Variants in TSNAXIP1 observed in about 807,000 individuals in gnomAD.
TSNAXIP1 encodes translin associated factor X interacting protein 1.
A neutral mutation model predicts 84.8 loss-of-function variants in TSNAXIP1; 89 were observed. That is an observed-to-expected ratio of 1.05 (90% CI 0.88 to 1.25). TSNAXIP1 has a LOEUF of 1.25. TSNAXIP1 is among the 50% of genes most tolerant of loss of function. TSNAXIP1 has a pLI of 0.00. For synonymous variants in TSNAXIP1, 347 were observed against 335.2 expected, an observed-to-expected ratio of 1.04 and a Z score of -0.39; for missense variants, 874 against 887.6, an observed-to-expected ratio of 0.98 and a Z score of 0.20.
rs748805985 is a variant in TSNAXIP1 at position 67,827,380 on chromosome 16, G to C, written c.1791+5G>C. 3 of 1,614,204 alleles carry C rather than the reference G, an allele frequency of 1.9e-6. No individual in the cohort carries two copies. Among genetic ancestry groups the C allele is most frequent in the Middle Eastern group, 1.6e-4 (1 of 6,062 alleles). On this transcript the variant is annotated splice_donor_5th_base_variant and intron_variant, in intron 14 of 15. Transcript: ENST00000561639. ...TACCGCTCACTGTTTATGGAGGTGGGTGTGTGGGGTCCGGGGACTGGCCTG... is the reference window on the plus strand; with the variant it reads ...TACCGCTCACTGTTTATGGAGGTGGCTGTGTGGGGTCCGGGGACTGGCCTG...
intron 4 of TSNAXIP1, among the ~76,000 whole-genome samples, chr16:67,821,538 C>T (rs1189556927): frequency 6.6e-6 from 1 of 151,860 alleles, no homozygotes; most frequent in Non-Finnish European, 1.5e-5. Flanking sequence ...GATCACACCA[C>T]TGCACTCCAA....
chr16:67,824,499 GCCACTCA>G (rs1264080514), intron 5 of TSNAXIP1, 77 bp from the exon 6 acceptor site: 1 of 1,342,622 alleles, frequency 7.4e-7, no homozygotes, highest in Admixed American at 2.1e-5. Context: ...AAGCGACATA[GCCACTCA>G]CCCATGACCT....
chr16:67,808,567 A>C (rs113066419), intron 1 of TSNAXIP1, among the ~76,000 whole-genome samples: 45,598 of 148,628 alleles, frequency 0.31, 10,190 homozygotes, highest in African/African-American at 0.64. Flanking sequence ...GAGCGAGACT[A>C]CGTCTCAAAA....
Position 67,827,393 on chromosome 16 carries a change from G to C in TSNAXIP1, c.1791+18G>C, listed in dbSNP as rs113573401. 2 of 1,613,842 alleles carry C rather than the reference G, an allele frequency of 1.2e-6. No homozygotes were observed. Among genetic ancestry groups the C allele is most frequent in the Non-Finnish European group, 8.5e-7 (1 of 1,179,922 alleles). On this transcript the variant is annotated intron_variant, in intron 14 of 15. Coordinates refer to ENST00000561639, the MANE Select transcript of TSNAXIP1 (RefSeq NM_001288990.3). Reference sequence around the variant, plus strand: ...TTATGGAGGTGGGTGTGTGGGGTCCGGGGACTGGCCTGGCCCCTGCCCTAG... The same window carrying C: ...TTATGGAGGTGGGTGTGTGGGGTCCCGGGACTGGCCTGGCCCCTGCCCTAG...
rs752088895 is a variant in TSNAXIP1, at chr16:67,827,740, T to A, written c.1899-13T>A. Reference sequence around the variant, plus strand: ...AGGGGTCAGGGCCTGTCACTCTCTTTCCTGTGGGGCAGCCATGAGGAAGTG... The same window carrying A: ...AGGGGTCAGGGCCTGTCACTCTCTTACCTGTGGGGCAGCCATGAGGAAGTG... On this transcript the variant is annotated splice_polypyrimidine_tract_variant and intron_variant, in intron 15 of 15. Transcript: ENST00000561639. 2 of 1,613,668 alleles carry A rather than the reference T, an allele frequency of 1.2e-6. No individual in the cohort carries two copies. Among genetic ancestry groups the A allele is most frequent in the Non-Finnish European group, 1.7e-6 (2 of 1,179,968 alleles).
At chr16:67,825,019 C>T in intron 6 of TSNAXIP1, 118 bp from the exon 7 acceptor site, 1 of 1,390,684 alleles carries the variant, frequency 7.2e-7, no homozygotes, top group Non-Finnish European at 9.7e-7. Context: ...TCTTCTTTCA[C>T]CTTTCCTGTT....
At position 67,825,974 on chromosome 16, in the gene TSNAXIP1, C is replaced by T. The variant is rs2057408238; in HGVS notation, c.1042C>T (p.Gln348Ter). ...TCGCAAGGAGCATGAGATCCTCATG[C>T]AGCTGCACATGAGCACGCTGAAGGA... ...EVRKEHEILM[Q>*]LHMSTLKERD... Residue 348 changes from glutamine (Q) to a stop codon, truncating the protein, a stop_gained, in exon 9 of 16, where the codon CAG becomes TAG. Transcript: ENST00000561639. LOFTEE classifies it high-confidence loss of function. The T allele has an allele frequency of 1.2e-6, 2 of 1,614,018 alleles. No individual in the cohort carries two copies. The highest frequency in any genetic ancestry group is 1.7e-6 in the Non-Finnish European group (2 of 1,180,032).
chr16:67,809,077 G>A (rs1456921892), intron 1 of TSNAXIP1, among the ~76,000 whole-genome samples: 2 of 146,174 alleles, frequency 1.4e-5, no homozygotes, highest in Non-Finnish European at 3.0e-5. Context: ...GGCTGAGGCA[G>A]GAGGATTACT....
At position 67,825,600 on chromosome 16, in the gene TSNAXIP1, A is replaced by C; in HGVS notation, c.815-67A>C. ...CCAGGGAACCCCAAACAGGAAGGGCAGAGGGCTTCAGGCAACCCCTGAGAA... is the reference window on the plus strand; with the variant it reads ...CCAGGGAACCCCAAACAGGAAGGGCCGAGGGCTTCAGGCAACCCCTGAGAA... On this transcript the variant is annotated intron_variant, in intron 7 of 15. Coordinates refer to ENST00000561639, the MANE Select transcript of TSNAXIP1 (RefSeq NM_001288990.3). 9.7e-6 allele frequency: 15 copies of C among 1,549,832 alleles called. No individual in the cohort carries two copies. The South Asian group carries it at 1.8e-4, about 19-fold the overall frequency.
chr16:67,827,755 A>G lies in TSNAXIP1; in HGVS notation c.1901A>G (p.His634Arg). The G allele has an allele frequency of 6.2e-7, 1 of 1,613,936 alleles. No individual in the cohort carries two copies. The highest frequency in any genetic ancestry group is 8.5e-7 in the Non-Finnish European group (1 of 1,180,002). ...TCACTCTCTTTCCTGTGGGGCAGCC[A>G]TGAGGAAGTGACTCTGCCCAAGCTG... is the stretch of plus-strand genomic sequence containing the variant. ...QLKQELGIEL[H>R]EEVTLPKLRG... Residue 634 changes from histidine (H) to arginine (R), a missense_variant and splice_region_variant, in exon 16 of 16, where the codon CAT (histidine) becomes CGT (arginine). Coordinates refer to ENST00000561639, the MANE Select transcript of TSNAXIP1 (RefSeq NM_001288990.3).
At chr16:67,813,468 C>T (rs2056275914) in intron 1 of TSNAXIP1, among the ~76,000 whole-genome samples, 1 of 151,754 alleles carries the variant, frequency 6.6e-6, no homozygotes, top group South Asian at 2.1e-4. Context: ...GGCACAGTGG[C>T]TCACGCCTGT....
intron 12 of TSNAXIP1, 40 bp from the exon 13 acceptor site, chr16:67,826,923 T>G (rs899954651): frequency 3.7e-6 from 6 of 1,612,978 alleles, no homozygotes; most frequent in Non-Finnish European, 4.2e-6. Context: ...CCCCCACCAC[T>G]CCCAGGAACA....
chr16:67,827,475 T>G lies in TSNAXIP1; in HGVS notation c.1794T>G (p.Asp598Glu). 1 of 1,614,034 alleles carries G rather than the reference T, an allele frequency of 6.2e-7. No homozygotes were observed. Among genetic ancestry groups the G allele is most frequent in the South Asian group, 1.1e-5 (1 of 91,086 alleles). Residue 598 changes from aspartate to glutamate, a missense_variant and splice_region_variant, in exon 15 of 16, where the codon GAT becomes GAG. Physicochemically the swap from Asp to Glu is conservative, Grantham distance 45. Transcript: ENST00000561639. ...LLNYRSLFME[D>E]EEGQSEPFVQ... is the part of the protein sequence containing the mutation. ...CCCTGACTTGTGGCCCCTCCCAGGA[T>G]GAGGAGGGCCAGAGTGAGCCCTTTG...
intron 2 of TSNAXIP1, among the ~76,000 whole-genome samples, chr16:67,817,048 C>T (rs1432641675): frequency 6.6e-6 from 1 of 151,656 alleles, no homozygotes; most frequent in African/African-American, 2.4e-5. Context: ...TCACTGCAAC[C>T]TCCACCTCCC....
intron 1 of TSNAXIP1, among the ~76,000 whole-genome samples, chr16:67,811,011 G>A (rs966249542): frequency 6.6e-5 from 10 of 151,292 alleles, no homozygotes; most frequent in Admixed American, 3.3e-4. Context: ...TCTGGAGAAC[G>A]GGGTCTCGCT....
intron 4 of TSNAXIP1, among the ~76,000 whole-genome samples, chr16:67,822,842 G>A (rs994321772): frequency 2.6e-5 from 4 of 152,208 alleles, no homozygotes; most frequent in Non-Finnish European, 5.9e-5. Context: ...TCTGGAGACT[G>A]TGCTCATTTC....
intron 2 of TSNAXIP1, among the ~76,000 whole-genome samples, chr16:67,819,815 A>ATTTTTTTTTTTTGTTTTTTTTTTTTTTT (rs2056889652): frequency 9.7e-6 from 1 of 102,662 alleles, no homozygotes; most frequent in Non-Finnish European, 1.9e-5. Flanking sequence ...ACCTGGCTAA[A>ATTTTTTTTTTTTGTTTTTTTTTTTTTTT]TTTTTTTTTT....
intron 1 of TSNAXIP1, among the ~76,000 whole-genome samples, chr16:67,809,670 G>GCAGTGAGTGGCT (rs1010774226): frequency 9.2e-5 from 14 of 151,892 alleles, no homozygotes; most frequent in African/African-American, 3.4e-4. Context: ...CAGGCCGGGA[G>GCAGTGAGTGGCT]CAGTGAGTGG....
At position 67,819,815 on chromosome 16, in the gene TSNAXIP1, A is replaced by ATTTTTTT. The variant is rs1162375778; in HGVS notation, c.148-1008_148-1002dup. ...AGCACATGCCACCACACCTGGCTAA[A>ATTTTTTT]TTTTTTTTTTTTTTTTTTTTTTGAG... is the stretch of plus-strand genomic sequence containing the variant. On this transcript the variant is annotated intron_variant, in intron 2 of 15. Transcript: ENST00000561639. Among the ~76,000 whole-genome samples the ATTTTTTT allele has an allele frequency of 2.4e-3, 248 of 102,624 alleles. 11 individuals are homozygous for ATTTTTTT. The highest frequency in any genetic ancestry group is 4.1e-3 in the Non-Finnish European group (212 of 51,572). 67.3% of individuals were successfully genotyped at this position (102,624 alleles called of 152,430 possible).
Sources: gnomAD v4.1 joint callset for allele counts (sites outside exome capture counted in the v4.1 genomes callset) on GRCh38, gnomAD v4.1.1 for gene constraint, MANE v1.5 for transcripts, NCBI Gene and HGNC (gene_info 2026-07-23, HGNC 2026-07-21) for gene names.